Variants in EBF1 observed in about 807,000 individuals in gnomAD.
The protein encoded by EBF1 is EBF transcription factor 1.
Under a neutral mutation model 68.4 loss-of-function variants are expected in EBF1, and 10 were observed. That is an observed-to-expected ratio of 0.15 (90% CI 0.09 to 0.25). EBF1 has a LOEUF of 0.25. Ranked by LOEUF, EBF1 falls within the 10% of genes least tolerant of loss-of-function variation. The probability of loss-of-function intolerance (pLI) is 1.00; values close to 1 mark genes in which losing one functional copy is unlikely to be tolerated. For missense variants in EBF1, 509 were observed against 794.4 expected, an observed-to-expected ratio of 0.64 and a Z score of 4.32; for synonymous variants, 298 against 299.8, an observed-to-expected ratio of 0.99 and a Z score of 0.06.
chr5:158,983,981 A>C (rs767732729), intron 6 of EBF1, among the ~76,000 whole-genome samples: 3 of 151,296 alleles, frequency 2.0e-5, no homozygotes. Flanking sequence ...CTTCCAGTGG[A>C]AATTCAATAA....
intron 10 of EBF1, among the ~76,000 whole-genome samples, chr5:158,752,508 G>C (rs1581589583): frequency 1.3e-5 from 2 of 152,140 alleles, no homozygotes; most frequent in East Asian, 1.9e-4. Context: ...CTACCCAGTA[G>C]AGCGTGACAA....
chr5:158,930,723 T>TG (rs1229046544), intron 6 of EBF1, among the ~76,000 whole-genome samples: 2 of 152,158 alleles, frequency 1.3e-5, no homozygotes, highest in Admixed American at 1.3e-4. Flanking sequence ...AGGCATCTAA[T>TG]GGGGGGCAAG....
chr5:158,857,506 T>A (rs1038144339), intron 6 of EBF1, among the ~76,000 whole-genome samples: 1 of 152,168 alleles, frequency 6.6e-6, no homozygotes, highest in African/African-American at 2.4e-5. Flanking sequence ...ATAATCTTTT[T>A]GGTGCTGTTA....
At chr5:158,853,787 T>A (rs1051152837) in intron 6 of EBF1, among the ~76,000 whole-genome samples, 1 of 152,198 alleles carries the variant, frequency 6.6e-6, no homozygotes, top group Non-Finnish European at 1.5e-5. Context: ...CACATACATT[T>A]ATGTATATAT....
chr5:159,031,303 T>A (rs1041462313), intron 6 of EBF1, among the ~76,000 whole-genome samples: 2 of 152,192 alleles, frequency 1.3e-5, no homozygotes, highest in Admixed American at 1.3e-4. Context: ...TAGAAAGGGA[T>A]CCTGTATGTG....
At chr5:158,946,455 C>G (rs1814736650) in intron 6 of EBF1, among the ~76,000 whole-genome samples, 1 of 152,190 alleles carries the variant, frequency 6.6e-6, no homozygotes, top group African/African-American at 2.4e-5. Flanking sequence ...TTCTGCAGGT[C>G]TGCTGGAGTT....
intron 6 of EBF1, among the ~76,000 whole-genome samples, chr5:159,031,435 T>C (rs1768836844): frequency 6.7e-6 from 1 of 150,368 alleles, no homozygotes; most frequent in South Asian, 2.1e-4. Flanking sequence ...CTTTCTTTAA[T>C]GCCCAGCATA....
intron 6 of EBF1, among the ~76,000 whole-genome samples, chr5:158,860,320 G>C (rs570014776): frequency 2.6e-5 from 4 of 152,282 alleles, no homozygotes; most frequent in Admixed American, 1.3e-4. Flanking sequence ...CAAGACCCTG[G>C]ATTCAAATCC....
At chr5:158,866,828 T>C in intron 6 of EBF1, among the ~76,000 whole-genome samples, 1 of 62,454 alleles carries the variant, frequency 1.6e-5, no homozygotes, top group East Asian at 4.3e-4. Flanking sequence ...TATATATATG[T>C]ATATGTATAT....
intron 11 of EBF1, among the ~76,000 whole-genome samples, chr5:158,722,270 T>C (rs1356344657): frequency 1.3e-5 from 2 of 152,184 alleles, no homozygotes; most frequent in Admixed American, 6.5e-5. Context: ...GAGTCAAAAT[T>C]ACCCTTGAAA....
chr5:158,698,995 T>C lies in EBF1; in HGVS notation c.*116A>G, dbSNP rs942741859. The stretch of plus-strand genomic sequence containing the variant: ...TTGTTTGTTTAAAAATCTGCAGTTA[T>C]TGTGATTCCTCTTAAAAAGGCCTGA... On this transcript the variant is annotated 3_prime_UTR_variant, in exon 16 of 16. Coordinates refer to ENST00000313708, the MANE Select transcript of EBF1 (RefSeq NM_024007.5). 11 of 955,960 alleles carry C rather than the reference T, an allele frequency of 1.2e-5. No individual in the cohort carries two copies. The South Asian group carries it at 1.9e-4, about 16-fold the overall frequency. The allele number at this position is 955,960 out of a possible 1,614,324, so 59.2% of individuals were successfully genotyped here.
At chr5:158,885,574 A>T (rs1055380669) in intron 6 of EBF1, among the ~76,000 whole-genome samples, 2 of 152,162 alleles carry the variant, frequency 1.3e-5, no homozygotes, top group African/African-American at 4.8e-5. Context: ...CACAATCATC[A>T]TCATATCATC....
chr5:159,039,322 C>T (rs1443935034), intron 6 of EBF1, among the ~76,000 whole-genome samples: 1 of 152,164 alleles, frequency 6.6e-6, no homozygotes, highest in Non-Finnish European at 1.5e-5. Context: ...AAAGTGATTA[C>T]CTCAGTCATT....
At chr5:159,074,202 G>C (rs1778322867) in intron 5 of EBF1, among the ~76,000 whole-genome samples, 1 of 152,174 alleles carries the variant, frequency 6.6e-6, no homozygotes, top group Non-Finnish European at 1.5e-5. Context: ...TGTTAGAGAA[G>C]GAAGAGCCTA....
intron 6 of EBF1, among the ~76,000 whole-genome samples, chr5:158,884,573 C>T (rs563627852): frequency 1.3e-5 from 2 of 152,214 alleles, no homozygotes; most frequent in South Asian, 2.1e-4. Flanking sequence ...AGCTGGAATG[C>T]TGTGTGAGAG....
intron 6 of EBF1, among the ~76,000 whole-genome samples, chr5:159,027,504 C>T (rs1170464033): frequency 6.6e-6 from 1 of 152,204 alleles, no homozygotes; most frequent in Admixed American, 6.5e-5. Context: ...CACTACCACA[C>T]CAGTGTTCTT....
rs373076084 is a variant in EBF1, at chr5:159,006,307, G to C, written c.554+67089C>G. 7.9e-5 allele frequency among the ~76,000 whole-genome samples: 12 copies of C among 152,220 alleles called. No homozygotes were observed. In the East Asian group the frequency reaches 1.2e-3, roughly 15 times the overall value. On this transcript the variant is annotated intron_variant, in intron 6 of 15. Transcript: ENST00000313708. ...TGGGTGATATCACAAATAATTAAGT[G>C]ATAATTTCCACTGGAGTATTTAGTG...
At chr5:159,068,012 C>T (rs1777139840) in intron 6 of EBF1, among the ~76,000 whole-genome samples, 1 of 152,126 alleles carries the variant, frequency 6.6e-6, no homozygotes, top group Non-Finnish European at 1.5e-5. Flanking sequence ...TGCATTTACA[C>T]CTCTGGTTCT....
chr5:159,060,547 T>C (rs1561914097), intron 6 of EBF1, among the ~76,000 whole-genome samples: 2 of 152,228 alleles, frequency 1.3e-5, no homozygotes, highest in African/African-American at 4.8e-5. Flanking sequence ...CGAATATCTA[T>C]TGTGGTTTTA....
Sources: allele counts gnomAD v4.1 joint callset (sites outside exome capture counted in the v4.1 genomes callset), GRCh38; gene constraint gnomAD v4.1.1; transcripts MANE v1.5; gene names NCBI Gene and HGNC (gene_info 2026-07-23, HGNC 2026-07-21).